Variants in HTR2C observed in about 807,000 individuals in gnomAD.
HTR2C encodes the protein 5-hydroxytryptamine (serotonin) receptor 2C, G protein-coupled.
A neutral mutation model predicts 21.0 loss-of-function variants in HTR2C; 5 were observed. That is an observed-to-expected ratio of 0.24 (90% CI 0.12 to 0.50). The LOEUF (loss-of-function observed/expected upper bound fraction) is 0.50. HTR2C is among the 20% of genes least tolerant of loss of function. The probability of loss-of-function intolerance (pLI) is 0.98; values close to 1 mark genes in which losing one functional copy is unlikely to be tolerated. For synonymous variants in HTR2C, 150 were observed against 145.3 expected (o/e 1.03, Z -0.23); for missense variants, 271 against 371.2 (o/e 0.73, Z 2.22).
At chrX:114,758,417 A>G (rs1202102911) in intron 4 of HTR2C, among the ~76,000 whole-genome samples, 1 of 109,262 alleles carries the variant, frequency 9.2e-6, no homozygotes, top group Non-Finnish European at 1.9e-5. Context: ...CCAAAAAAAT[A>G]GCCAAGCATA....
At chrX:114,792,328 T>A (rs2070241682) in intron 4 of HTR2C, among the ~76,000 whole-genome samples, 1 of 110,738 alleles carries the variant, frequency 9.0e-6, no homozygotes, top group Admixed American at 9.7e-5. Flanking sequence ...TGTGGCCATG[T>A]GTTCTCGTTG....
In HTR2C at chrX:114,891,451, C is replaced by CA. The variant is rs200257297; in HGVS notation, c.551-15135dup. Among the ~76,000 whole-genome samples the CA allele has an allele frequency of 4.8e-3, 522 of 109,783 alleles. 4 individuals are homozygous for CA. Among genetic ancestry groups the CA allele is most frequent in the African/African-American group, 0.016 (499 of 30,248 alleles). On this transcript the variant is annotated intron_variant, in intron 5 of 5. Coordinates refer to ENST00000276198, the MANE Select transcript of HTR2C (RefSeq NM_000868.4). ...TAGTAGGTATTTAACTTTCTGGACT[C>CA]AAACTATAAAACCTGTGTCCCCCAC...
chrX:114,834,409 G>A (rs2070760510), intron 4 of HTR2C, among the ~76,000 whole-genome samples: 2 of 107,121 alleles, frequency 1.9e-5, no homozygotes, highest in South Asian at 8.6e-4. Flanking sequence ...TATATATTTA[G>A]GATAGTTAGC....
chrX:114,702,471 G>T (rs1556417035), intron 2 of HTR2C, among the ~76,000 whole-genome samples: 1 of 109,714 alleles, frequency 9.1e-6, no homozygotes, highest in Non-Finnish European at 1.9e-5. Flanking sequence ...AGCTTCATAA[G>T]TGAAGGAGAA....
chrX:114,601,414 G>C (rs1179175737), intron 1 of HTR2C, among the ~76,000 whole-genome samples: 1 of 108,147 alleles, frequency 9.2e-6, no homozygotes, highest in African/African-American at 3.4e-5. Flanking sequence ...ATAGGATTTG[G>C]GTAGGTAAAG....
chrX:114,870,471 T>A (rs1556476135), intron 5 of HTR2C, among the ~76,000 whole-genome samples: 2 of 111,623 alleles, frequency 1.8e-5, no homozygotes, highest in African/African-American at 6.5e-5. Flanking sequence ...CCTCCTCTAT[T>A]TTTTGGAATA....
intron 5 of HTR2C, among the ~76,000 whole-genome samples, chrX:114,893,793 T>G (rs1334834911): frequency 8.9e-6 from 1 of 111,986 alleles, no homozygotes; most frequent in Non-Finnish European, 1.9e-5. Flanking sequence ...ATAGGCAAGA[T>G]ATATCTGACA....
At chrX:114,673,673 G>A (rs1931457866) in intron 2 of HTR2C, among the ~76,000 whole-genome samples, 1 of 111,460 alleles carries the variant, frequency 9.0e-6, no homozygotes, top group Admixed American at 9.6e-5. Flanking sequence ...TTGATTTCAG[G>A]TATGTGAAAA....
At chrX:114,834,469 C>CT (rs2070761245) in intron 4 of HTR2C, among the ~76,000 whole-genome samples, 1 of 110,531 alleles carries the variant, frequency 9.0e-6, no homozygotes, top group African/African-American at 3.3e-5. Context: ...CCTTGTTTGT[C>CT]TCTTCTGATC....
intron 1 of HTR2C, among the ~76,000 whole-genome samples, chrX:114,587,213 G>T (rs1171965950): frequency 8.9e-6 from 1 of 111,817 alleles, no homozygotes; most frequent in African/African-American, 3.3e-5. Flanking sequence ...GCCTGAGATT[G>T]AAGGAGGTTG....
chrX:114,833,096 T>G (rs1168046693), intron 4 of HTR2C, among the ~76,000 whole-genome samples: 3 of 91,296 alleles, frequency 3.3e-5, no homozygotes, highest in Non-Finnish European at 6.5e-5. Flanking sequence ...GCTGGATTCG[T>G]TTTGCCAGTA....
intron 3 of HTR2C, among the ~76,000 whole-genome samples, chrX:114,727,736 T>A (rs1392357739): frequency 8.9e-6 from 1 of 111,771 alleles, no homozygotes; most frequent in African/African-American, 3.2e-5. Flanking sequence ...AGGAAAAAGT[T>A]TACAATGTGG....
At chrX:114,783,995 G>A (rs1556441200) in intron 4 of HTR2C, among the ~76,000 whole-genome samples, 1 of 110,239 alleles carries the variant, frequency 9.1e-6, no homozygotes, top group Admixed American at 9.7e-5. Context: ...GAAAATTAAT[G>A]AGCAAAGCAT....
intron 2 of HTR2C, among the ~76,000 whole-genome samples, chrX:114,633,947 T>TAGAGAGAG (rs59914358): frequency 1.1e-3 from 104 of 92,180 alleles, no homozygotes; most frequent in African/African-American, 3.3e-3. Flanking sequence ...TATATATATA[T>TAGAGAGAG]AGAGAGAGAG....
chrX:114,772,114 C>A (rs782117874), intron 4 of HTR2C, among the ~76,000 whole-genome samples: 2 of 111,275 alleles, frequency 1.8e-5, no homozygotes, highest in South Asian at 7.5e-4. Context: ...AAATCTATAC[C>A]TTTGGTTAAT....
intron 2 of HTR2C, among the ~76,000 whole-genome samples, chrX:114,701,931 G>A (rs1481912496): frequency 8.0e-5 from 9 of 111,979 alleles, no homozygotes; most frequent in East Asian, 2.8e-4. Context: ...CTCAGGAGCC[G>A]ATGCAATCAA....
At chrX:114,906,540 T>C in intron 5 of HTR2C, 49 bp from the exon 6 acceptor site, 1 of 903,824 alleles carries the variant, frequency 1.1e-6, no homozygotes, top group Non-Finnish European at 1.6e-6. Flanking sequence ...ATACATCTGT[T>C]CAGTCCTTCA....
intron 4 of HTR2C, among the ~76,000 whole-genome samples, chrX:114,815,428 T>A (rs782732172): frequency 1.7e-4 from 19 of 111,584 alleles, no homozygotes; most frequent in African/African-American, 5.8e-4. Flanking sequence ...GTGCAAATCC[T>A]GTAAAACCAA....
intron 2 of HTR2C, among the ~76,000 whole-genome samples, chrX:114,638,398 G>A (rs905624171): frequency 2.3e-4 from 26 of 111,339 alleles, no homozygotes; most frequent in Admixed American, 2.9e-4. Context: ...CTTTAGGTTA[G>A]CAAGCATATA....
Sources: allele counts gnomAD v4.1 joint callset (sites outside exome capture counted in the v4.1 genomes callset), GRCh38; gene constraint gnomAD v4.1.1; transcripts MANE v1.5; gene names NCBI Gene and HGNC (gene_info 2026-07-23, HGNC 2026-07-21).